The following CNTN5 variants were observed in gnomAD, a reference collection of about 807,000 sequenced individuals.
CNTN5 encodes contactin 5.
Under a neutral mutation model 129.1 loss-of-function variants are expected in CNTN5, and 77 were observed. That is an observed-to-expected ratio of 0.60 (90% confidence interval 0.50 to 0.72). CNTN5 has a LOEUF of 0.72. CNTN5 is among the 30% of genes least tolerant of loss of function. The pLI, the probability that CNTN5 is intolerant of heterozygous loss-of-function variation, is 0.00. For synonymous variants in CNTN5, 509 were observed against 465.6 expected, an observed-to-expected ratio of 1.09 and a Z score of -1.20; for missense variants, 1,478 against 1,328.8, an observed-to-expected ratio of 1.11 and a Z score of -1.75.
At chr11:99,491,475 G>A (rs1364573253) in intron 2 of CNTN5, among the ~76,000 whole-genome samples, 3 of 152,140 alleles carry the variant, frequency 2.0e-5, no homozygotes, top group Non-Finnish European at 4.4e-5. Context: ...TAGCATAGAA[G>A]AGCCTGAGAT....
At chr11:99,919,264 T>A (rs1023919470) in intron 7 of CNTN5, among the ~76,000 whole-genome samples, 1 of 151,822 alleles carries the variant, frequency 6.6e-6, no homozygotes, top group Admixed American at 6.6e-5. Context: ...TGTGTGGCGC[T>A]GTAGTTCATC....
chr11:99,916,320 T>C (rs1218115143), intron 7 of CNTN5, among the ~76,000 whole-genome samples, 171 bp downstream of exon 7: 1 of 152,150 alleles, frequency 6.6e-6, no homozygotes, highest in Non-Finnish European at 1.5e-5. Context: ...TAAATATCAT[T>C]AGACAGGATA....
At chr11:99,498,103 CT>C (rs1443943711) in intron 2 of CNTN5, among the ~76,000 whole-genome samples, 1 of 152,128 alleles carries the variant, frequency 6.6e-6, no homozygotes, top group Non-Finnish European at 1.5e-5. Context: ...CCGCATAGAG[CT>C]ACAGTGAGTT....
intron 16 of CNTN5, among the ~76,000 whole-genome samples, chr11:100,251,208 T>C (rs1316714058): frequency 6.6e-6 from 1 of 152,170 alleles, no homozygotes; most frequent in Non-Finnish European, 1.5e-5. Context: ...TTTTAGCAGC[T>C]GACAGGCCAG....
chr11:99,308,791 C>T (rs1206907033), intron 1 of CNTN5, among the ~76,000 whole-genome samples: 1 of 152,036 alleles, frequency 6.6e-6, no homozygotes, highest in Non-Finnish European at 1.5e-5. Flanking sequence ...TACTTCTGCC[C>T]ATGTGACATG....
Position 99,845,364 on chromosome 11 carries a change from A to ATATTTTTTTTTTTTTTTTTTTT in CNTN5, c.577+103_577+104insATTTTTTTTTTTTTTTTTTTTT, listed in dbSNP as rs1947653236. ...AGGAAAGAAAAGCCTAAGATCTCAA[A>ATATTTTTTTTTTTTTTTTTTTT]TCTTTTTTTTTTTTTTTTTTTTTTT... is the stretch of plus-strand genomic sequence containing the variant. On this transcript the variant is annotated intron_variant, in intron 6 of 24. Coordinates refer to ENST00000524871, the MANE Select transcript of CNTN5 (RefSeq NM_014361.4). 2.1e-5 allele frequency: 5 copies of ATATTTTTTTTTTTTTTTTTTTT among 239,348 alleles called. No individual in the cohort carries two copies. In the South Asian group the frequency reaches 6.9e-4, roughly 33 times the overall value. 14.8% of individuals were successfully genotyped at this position (239,348 alleles called of 1,614,324 possible). A position where few individuals can be genotyped will look rare whatever the true frequency, so the allele number is the denominator to read the frequency against.
intron 3 of CNTN5, among the ~76,000 whole-genome samples, chr11:99,621,799 G>A (rs186777883): frequency 1.3e-5 from 2 of 152,244 alleles, no homozygotes; most frequent in East Asian, 3.9e-4. Flanking sequence ...TGTCTTCCCA[G>A]CACTCTTATA....
At chr11:99,104,385 G>A (rs1041577859) in intron 1 of CNTN5, among the ~76,000 whole-genome samples, 7 of 151,948 alleles carry the variant, frequency 4.6e-5, no homozygotes, top group Admixed American at 3.9e-4. Flanking sequence ...GAGTTATGAC[G>A]ACCAAAGCGG....
At chr11:99,491,306 C>T (rs1294690871) in intron 2 of CNTN5, among the ~76,000 whole-genome samples, 1 of 152,122 alleles carries the variant, frequency 6.6e-6, no homozygotes, top group African/African-American at 2.4e-5. Flanking sequence ...TTCCTATTTT[C>T]TTGTCTTCAG....
chr11:99,687,241 GCACC>G (rs1953835120), intron 3 of CNTN5, among the ~76,000 whole-genome samples: 2 of 151,992 alleles, frequency 1.3e-5, no homozygotes, highest in Non-Finnish European at 2.9e-5. Context: ...TTGGCAAATT[GCACC>G]CAAGAACCCC....
At chr11:99,589,213 C>T (rs1007937409) in intron 3 of CNTN5, among the ~76,000 whole-genome samples, 3 of 152,152 alleles carry the variant, frequency 2.0e-5, no homozygotes, top group African/African-American at 7.2e-5. Context: ...TAAATGCTGT[C>T]TGCCTGAATA....
intron 1 of CNTN5, among the ~76,000 whole-genome samples, chr11:99,235,702 T>G (rs1002276818): frequency 1.3e-5 from 2 of 152,176 alleles, no homozygotes; most frequent in Admixed American, 6.5e-5. Flanking sequence ...GAAAAGTTAG[T>G]TGGATTTCTT....
intron 1 of CNTN5, among the ~76,000 whole-genome samples, chr11:99,105,682 G>A (rs908991642): frequency 6.6e-5 from 10 of 152,256 alleles, no homozygotes; most frequent in African/African-American, 2.4e-4. Flanking sequence ...GGGCAGTCAA[G>A]AGCCCACTTC....
chr11:99,348,455 G>A (rs916855894), intron 2 of CNTN5, among the ~76,000 whole-genome samples: 1 of 152,168 alleles, frequency 6.6e-6, no homozygotes, highest in Non-Finnish European at 1.5e-5. Flanking sequence ...TGATATTTTT[G>A]ATTATATTGA....
intron 9 of CNTN5, among the ~76,000 whole-genome samples, chr11:100,058,404 C>CA (rs75180892): frequency 0.23 from 34,291 of 151,964 alleles, 4,416 homozygotes; most frequent in East Asian, 0.47. Flanking sequence ...CTGCATCTGT[C>CA]AAAGTTATCC....
At chr11:99,186,010 G>A (rs894996848) in intron 1 of CNTN5, among the ~76,000 whole-genome samples, 2 of 151,442 alleles carry the variant, frequency 1.3e-5, no homozygotes, top group African/African-American at 4.8e-5. Context: ...TCAAAATAAA[G>A]GTTTATGAAT....
At chr11:100,067,137 T>G (rs1403756063) in intron 10 of CNTN5, among the ~76,000 whole-genome samples, 1 of 152,124 alleles carries the variant, frequency 6.6e-6, no homozygotes, top group Non-Finnish European at 1.5e-5. Flanking sequence ...GTATTGAACA[T>G]AACCTACATT....
chr11:99,100,510 AATG>A (rs1283209930), intron 1 of CNTN5, among the ~76,000 whole-genome samples: 1 of 152,106 alleles, frequency 6.6e-6, no homozygotes, highest in African/African-American at 2.4e-5. Context: ...TTCAATTAGA[AATG>A]ATATCATAGC....
At chr11:99,991,069 T>C (rs994309177) in intron 8 of CNTN5, among the ~76,000 whole-genome samples, 5 of 152,350 alleles carry the variant, frequency 3.3e-5, no homozygotes, top group East Asian at 1.9e-4. Context: ...TCTTTTGCCC[T>C]GTCTAGTGTT....
Sources: allele counts gnomAD v4.1 joint callset (sites outside exome capture counted in the v4.1 genomes callset), GRCh38; gene constraint gnomAD v4.1.1; transcripts MANE v1.5; gene names NCBI Gene and HGNC (gene_info 2026-07-23, HGNC 2026-07-21).